The following CARMIL3 variants were observed in gnomAD, a reference collection of about 807,000 sequenced individuals.
CARMIL3 encodes capping protein, Arp2/3 and myosin-I linker protein 3.
Under a neutral mutation model 180.8 loss-of-function variants are expected in CARMIL3, and 88 were observed. The observed-to-expected ratio is 0.49, with a 90% CI of 0.41 to 0.58. CARMIL3 has a LOEUF of 0.58. Among genes scored for constraint, CARMIL3 ranks in the 20% least tolerant of loss-of-function variants. CARMIL3 has a pLI of 0.00. For synonymous variants in CARMIL3, 696 were observed against 714.5 expected, an observed-to-expected ratio of 0.97 and a Z score of 0.41; for missense variants, 1,548 against 1,787.0, an observed-to-expected ratio of 0.87 and a Z score of 2.41.
At position 24,059,424 on chromosome 14, in the gene CARMIL3, A is replaced by AAG. The variant is rs762612991; in HGVS notation, c.1781_1782insAG (p.Ile595GlyfsTer2). 7.6e-6 allele frequency: 12 copies of AAG among 1,582,920 alleles called. No homozygotes were observed. The highest frequency in any genetic ancestry group is 1.0e-5 in the Non-Finnish European group (12 of 1,164,692). ...GCCAAGATGCTGTCTAAGGCCCTGC[A>AAG]GATAAACTCCTCCCTCAGGTGGGGC... On this transcript the variant is annotated frameshift_variant, in exon 21 of 40. Transcript: ENST00000342740. LOFTEE classifies it high-confidence loss of function. This position sits in a 1 kb window ranked among gnomAD's most constrained non-coding sequence, Gnocchi z 6.3.
Position 24,057,888 on chromosome 14 carries a change from G to A in CARMIL3, c.1217+9G>A, listed in dbSNP as rs1456835375. 1.2e-6 allele frequency: 2 copies of A among 1,613,024 alleles called. No homozygotes were observed. The highest frequency in any genetic ancestry group is 1.7e-5 in the Admixed American group (1 of 60,014). On this transcript the variant is annotated intron_variant, in intron 15 of 39. Coordinates refer to ENST00000342740, the MANE Select transcript of CARMIL3 (RefSeq NM_138360.4). ...AACAGCTGCTCCCACAGGTGGGAGA[G>A]GAGGGGGAAGGGAGGACAGGGCAAG...
intron 33 of CARMIL3, 44 bp downstream of exon 33, chr14:24,065,317 C>T: frequency 6.9e-7 from 1 of 1,449,226 alleles, no homozygotes; most frequent in Non-Finnish European, 9.1e-7. Flanking sequence ...TTTCCTGCCC[C>T]ACACTTAACC....
rs944370529 is a variant in CARMIL3 at position 24,054,883 on chromosome 14, G to C, written c.460+75G>C. 5.4e-6 allele frequency: 8 copies of C among 1,495,286 alleles called. No homozygotes were observed. Among genetic ancestry groups the C allele is most frequent in the Non-Finnish European group, 7.4e-6 (8 of 1,082,974 alleles). The allele number at this position is 1,495,286 out of a possible 1,614,324, so 92.6% of individuals were successfully genotyped here. ...ATGATCAGAGCCCTTTGTGCACAGG[G>C]TGTTGCCTGGGCGGGCGGGCTTTGC... is the stretch of plus-strand genomic sequence containing the variant. On this transcript the variant is annotated intron_variant, in intron 6 of 39. Transcript: ENST00000342740. This position sits in a 1 kb window ranked among gnomAD's most constrained non-coding sequence, Gnocchi z 5.1.
chr14:24,053,960 C>A, intron 2 of CARMIL3, 128 bp from the exon 3 acceptor site: 2 of 1,220,190 alleles, frequency 1.6e-6, no homozygotes, highest in Non-Finnish European at 2.3e-6. Flanking sequence ...GTGTTGATGT[C>A]CAGAAGTCTA....
chr14:24,060,881 C>A, intron 25 of CARMIL3, 46 bp from the exon 26 acceptor site: 1 of 1,542,752 alleles, frequency 6.5e-7, no homozygotes, highest in South Asian at 1.2e-5. Flanking sequence ...AGAGACCTAG[C>A]AAGTCCTGGT....
Position 24,069,120 on chromosome 14 carries a change from CTTGA to C in CARMIL3, c.3983-13_3983-10del. 1.6e-5 allele frequency: 26 copies of C among 1,613,638 alleles called. No individual in the cohort carries two copies. Among genetic ancestry groups the C allele is most frequent in the Non-Finnish European group, 2.2e-5 (26 of 1,179,816 alleles). ...AGCCCCACTCCTGTGTTAGGCCTGCCTTGATTGTTATTTCAGGGCCCCCTGATCC... is the reference window on the plus strand; with the variant it reads ...AGCCCCACTCCTGTGTTAGGCCTGCCTTGTTATTTCAGGGCCCCCTGATCC... On this transcript the variant is annotated splice_polypyrimidine_tract_variant and intron_variant, in intron 38 of 39. Transcript: ENST00000342740.
Position 24,058,436 on chromosome 14 carries a change from G to A in CARMIL3, c.1392+212G>A, listed in dbSNP as rs2035697081. The stretch of plus-strand genomic sequence containing the variant: ...ATCTCTGCCCTTAAAGCTTTGGGGT[G>A]GGAGATACCAGACTTTTCCACCAGA... On this transcript the variant is annotated intron_variant, in intron 17 of 39. Coordinates refer to ENST00000342740, the MANE Select transcript of CARMIL3 (RefSeq NM_138360.4). This position sits in a 1 kb window ranked among gnomAD's most constrained non-coding sequence, Gnocchi z 6.4. 6.6e-6 allele frequency among the ~76,000 whole-genome samples: 1 copy of A among 152,128 alleles called. No homozygotes were observed. The highest frequency in any genetic ancestry group is 6.5e-5 in the Admixed American group (1 of 15,274).
chr14:24,053,369 CT>C (rs776217511), intron 1 of CARMIL3, among the ~76,000 whole-genome samples: 2 of 152,048 alleles, frequency 1.3e-5, no homozygotes, highest in Non-Finnish European at 2.9e-5. Context: ...GTGTCAATGG[CT>C]GTTGTAGTGC....
Position 24,069,707 on chromosome 14 carries a change from T to G in CARMIL3, c.*303T>G. ...CCCAGGGACTCTCTCCCCTCTTGTA[T>G]AGAATAAAAAAACAAAATCATCGCC... On this transcript the variant is annotated 3_prime_UTR_variant, in exon 40 of 40. Coordinates refer to ENST00000342740, the MANE Select transcript of CARMIL3 (RefSeq NM_138360.4). 2.3e-6 allele frequency: 1 copy of G among 428,670 alleles called. No individual in the cohort carries two copies. Among genetic ancestry groups the G allele is most frequent in the Non-Finnish European group, 4.2e-6 (1 of 239,400 alleles). The allele number at this position is 428,670 out of a possible 1,614,324, so 26.6% of individuals were successfully genotyped here.
rs200258184 is a variant in CARMIL3 at position 24,054,518 on chromosome 14, G to A, written c.362+7G>A. The A allele has an allele frequency of 6.2e-7, 1 of 1,603,658 alleles. No individual in the cohort carries two copies. Among genetic ancestry groups the A allele is most frequent in the East Asian group, 2.2e-5 (1 of 44,784 alleles). ...AGGTCTGCCCTGGCCCTGGGTGAGT[G>A]GCAAATAAGGGGTCTCTTAAGGCAT... On this transcript the variant is annotated splice_region_variant and intron_variant, in intron 5 of 39. Transcript: ENST00000342740. This position sits in a 1 kb window ranked among gnomAD's most constrained non-coding sequence, Gnocchi z 5.1.
chr14:24,058,705 T>G lies in CARMIL3; in HGVS notation c.1418T>G (p.Leu473Trp). 1.2e-6 allele frequency: 2 copies of G among 1,614,140 alleles called. No homozygotes were observed. Among genetic ancestry groups the G allele is most frequent in the Non-Finnish European group, 1.7e-6 (2 of 1,180,018 alleles). Residue 473 changes from leucine (L) to tryptophan (W), a missense_variant, in exon 18 of 40, where the codon TTG becomes TGG. Physicochemically the swap from Leu to Trp is moderately conservative, Grantham distance 61. Coordinates refer to ENST00000342740, the MANE Select transcript of CARMIL3 (RefSeq NM_138360.4). The surrounding 1 kb of genome is among the most constrained non-coding windows in gnomAD (Gnocchi z 6.4). Reference sequence around the variant, plus strand: ...CTCCGTTCAGCGGGAGCCCAAGCCTTGCAGGAGCAGCTGGGAGCTGTCACC... The same window carrying G: ...CTCCGTTCAGCGGGAGCCCAAGCCTGGCAGGAGCAGCTGGGAGCTGTCACC... ...CELRSAGAQALQEQLGAVTCV... is the reference protein window; with the variant it reads ...CELRSAGAQAWQEQLGAVTCV...
chr14:24,055,253 A>AC lies in CARMIL3; in HGVS notation c.550dup (p.His184ProfsTer3). On this transcript the variant is annotated frameshift_variant, in exon 8 of 40. Coordinates refer to ENST00000342740, the MANE Select transcript of CARMIL3 (RefSeq NM_138360.4). LOFTEE classifies it high-confidence loss of function. ...CTCTCCAAGGATGTGGACACCATCT[A>AC]CCATGCTGAAGATAACCGGGAGTTC... 6.2e-7 allele frequency: 1 copy of AC among 1,614,172 alleles called. No homozygotes were observed. The highest frequency in any genetic ancestry group is 8.5e-7 in the Non-Finnish European group (1 of 1,180,020).
At chr14:24,060,870 C>T in intron 25 of CARMIL3, 57 bp from the exon 26 acceptor site, 1 of 1,541,224 alleles carries the variant, frequency 6.5e-7, no homozygotes, top group Non-Finnish European at 8.8e-7. Context: ...CCAGGGACCC[C>T]AGAGACCTAG....
chr14:24,052,662 A>T (rs191932331), intron 1 of CARMIL3, among the ~76,000 whole-genome samples: 1 of 152,302 alleles, frequency 6.6e-6, no homozygotes, highest in Non-Finnish European at 1.5e-5. Context: ...GCCCCTTAGG[A>T]GCTGGGCAGC....
intron 33 of CARMIL3, 172 bp downstream of exon 33, chr14:24,065,445 G>C: frequency 9.3e-7 from 1 of 1,080,708 alleles, no homozygotes; most frequent in Non-Finnish European, 1.3e-6. Context: ...GTGGCCAAGA[G>C]CATGCTGGGA....
intron 39 of CARMIL3, 25 bp downstream of exon 39, chr14:24,069,272 C>G (rs1228587121): frequency 6.2e-7 from 1 of 1,612,192 alleles, no homozygotes; most frequent in Admixed American, 1.7e-5. Flanking sequence ...AGGGCAGGTC[C>G]CCCCTTCCCA....
At position 24,058,706 on chromosome 14, in the gene CARMIL3, G is replaced by T; in HGVS notation, c.1419G>T (p.Leu473Phe). 4 of 1,614,124 alleles carry T rather than the reference G, an allele frequency of 2.5e-6. No individual in the cohort carries two copies. The highest frequency in any genetic ancestry group is 1.7e-4 in the Middle Eastern group (1 of 6,060). ...CELRSAGAQA[L>F]QEQLGAVTCV... The stretch of plus-strand genomic sequence containing the variant: ...TCCGTTCAGCGGGAGCCCAAGCCTT[G>T]CAGGAGCAGCTGGGAGCTGTCACCT... The change falls in exon 18 of 40, where the codon TTG (leucine) becomes TTT (phenylalanine). Residue 473 changes from leucine (L) to phenylalanine (F), a missense_variant. Physicochemically the swap from Leu to Phe is conservative, Grantham distance 22. Coordinates refer to ENST00000342740, the MANE Select transcript of CARMIL3 (RefSeq NM_138360.4). This position sits in a 1 kb window ranked among gnomAD's most constrained non-coding sequence, Gnocchi z 6.4.
chr14:24,068,543 G>C, intron 36 of CARMIL3, 41 bp from the exon 37 acceptor site: 1 of 1,547,360 alleles, frequency 6.5e-7, no homozygotes, highest in African/African-American at 1.4e-5. Context: ...AGCTATGCAA[G>C]AATGCCTTTT....
In CARMIL3 at chr14:24,060,144, C is replaced by T. The variant is rs887998975; in HGVS notation, c.1963-13C>T. The T allele has an allele frequency of 6.2e-7, 1 of 1,614,090 alleles. No individual in the cohort carries two copies. The highest frequency in any genetic ancestry group is 1.1e-5 in the South Asian group (1 of 91,090). ...ATCCCCAGGCCCTGACCCACCAACC[C>T]CATCATCTCCAGATCCAATGGTGCT... On this transcript the variant is annotated splice_polypyrimidine_tract_variant and intron_variant, in intron 23 of 39. Coordinates refer to ENST00000342740, the MANE Select transcript of CARMIL3 (RefSeq NM_138360.4).
Sources: allele counts gnomAD v4.1 joint callset (sites outside exome capture counted in the v4.1 genomes callset), GRCh38; gene constraint gnomAD v4.1.1; non-coding constraint Gnocchi (gnomAD v3.1); transcripts MANE v1.5; gene names NCBI Gene and HGNC (gene_info 2026-07-23, HGNC 2026-07-21).